Variants in GK5 observed in about 807,000 individuals in gnomAD.
GK5 encodes the protein glycerol kinase 5.
In GK5, 39 loss-of-function variants were observed where a neutral mutation model predicts 77.3. That is an observed-to-expected ratio of 0.50 (90% confidence interval 0.39 to 0.66). The LOEUF (loss-of-function observed/expected upper bound fraction) is 0.66. GK5 is among the 30% of genes least tolerant of loss of function. The pLI, the probability that GK5 is intolerant of heterozygous loss-of-function variation, is 0.00. For missense variants in GK5, 487 were observed against 633.8 expected, an observed-to-expected ratio of 0.77 and a Z score of 2.49; for synonymous variants, 211 against 208.0, an observed-to-expected ratio of 1.01 and a Z score of -0.13.
At chr3:142,212,456 A>G (rs1378584211) in intron 3 of GK5, among the ~76,000 whole-genome samples, 1 of 152,116 alleles carries the variant, frequency 6.6e-6, no homozygotes, top group Non-Finnish European at 1.5e-5. Context: ...GGATTACCTG[A>G]GCCTGGGAAG....
At chr3:142,189,112 A>G (rs896569051) in intron 5 of GK5, among the ~76,000 whole-genome samples, 9 of 152,096 alleles carry the variant, frequency 5.9e-5, no homozygotes, top group African/African-American at 2.2e-4. Context: ...TCACACCATT[A>G]CTGCCTCTCT....
At chr3:142,225,178 G>T in intron 1 of GK5, 131 bp downstream of exon 1, 1 of 1,015,960 alleles carries the variant, frequency 9.8e-7, no homozygotes, top group Non-Finnish European at 1.3e-6. Context: ...TCTGGCCCCA[G>T]GGCCCGCGGG....
Position 142,165,486 on chromosome 3 carries a change from G to T in GK5, c.*136C>A. ...TTTGTTCCGTTTTGTTTTTTTAAAAGCAATGCTTCTTAAGTTATGAAGCTT... is the reference window on the plus strand; with the variant it reads ...TTTGTTCCGTTTTGTTTTTTTAAAATCAATGCTTCTTAAGTTATGAAGCTT... On this transcript the variant is annotated 3_prime_UTR_variant, in exon 16 of 16. Coordinates refer to ENST00000392993, the MANE Select transcript of GK5 (RefSeq NM_001039547.3). The T allele has an allele frequency of 1.7e-6, 1 of 605,812 alleles. No individual in the cohort carries two copies. The allele number at this position is 605,812 out of a possible 1,614,324, so 37.5% of individuals were successfully genotyped here.
intron 13 of GK5, among the ~76,000 whole-genome samples, chr3:142,171,949 C>G (rs900310071): frequency 5.3e-5 from 8 of 152,036 alleles, no homozygotes; most frequent in Non-Finnish European, 1.5e-5. Flanking sequence ...TGTCTCATAA[C>G]AAAAAGATTA....
At chr3:142,195,805 C>T (rs1378394624) in intron 5 of GK5, among the ~76,000 whole-genome samples, 2 of 152,180 alleles carry the variant, frequency 1.3e-5, no homozygotes, top group Non-Finnish European at 2.9e-5. Flanking sequence ...TAATCCACTC[C>T]AATAATGGAA....
intron 1 of GK5, among the ~76,000 whole-genome samples, chr3:142,222,487 G>A (rs2064365039): frequency 6.6e-6 from 1 of 151,992 alleles, no homozygotes; most frequent in African/African-American, 2.4e-5. Context: ...ATAGCATGAA[G>A]CCGGGAGGCG....
chr3:142,170,196 A>G (rs772634746), intron 15 of GK5, 129 bp downstream of exon 15: 81 of 914,132 alleles, frequency 8.9e-5, no homozygotes, highest in Non-Finnish European at 1.3e-4. Flanking sequence ...TAATATGCAT[A>G]TGTGTATGGA....
Position 142,225,528 on chromosome 3 carries a change from C to T in GK5, c.-73G>A, listed in dbSNP as rs909724059. The T allele has an allele frequency of 2.6e-6, 4 of 1,521,548 alleles. No individual in the cohort carries two copies. In the South Asian group the frequency reaches 3.6e-5, roughly 14 times the overall value. 94.3% of individuals were successfully genotyped at this position (1,521,548 alleles called of 1,614,324 possible). On this transcript the variant is annotated 5_prime_UTR_variant, in exon 1 of 16. Transcript: ENST00000392993. The stretch of plus-strand genomic sequence containing the variant: ...GCTACAAATCCCAATGCTCCAGAGT[C>T]CCCGGGCGGCCCAACCCGGGCCCCA...
intron 1 of GK5, among the ~76,000 whole-genome samples, chr3:142,220,045 C>G (rs1381308691): frequency 2.0e-5 from 3 of 152,224 alleles, no homozygotes; most frequent in African/African-American, 4.8e-5. Context: ...ATGCATGTAT[C>G]TCCAATTCCT....
intron 9 of GK5, chr3:142,185,670 T>C (rs2063760183): frequency 3.1e-6 from 4 of 1,297,212 alleles, no homozygotes; most frequent in Non-Finnish European, 4.0e-6. Flanking sequence ...ATTTAAGTTT[T>C]CTGATAAACA....
At chr3:142,204,875 G>T (rs1228653443) in intron 3 of GK5, 87 bp from the exon 4 acceptor site, 15 of 708,244 alleles carry the variant, frequency 2.1e-5, no homozygotes, top group African/African-American at 3.6e-5. Context: ...AAAATTAGAG[G>T]CCATACTGTA....
chr3:142,207,821 G>A (rs1378714798), intron 3 of GK5, among the ~76,000 whole-genome samples: 2 of 152,134 alleles, frequency 1.3e-5, no homozygotes, highest in African/African-American at 4.8e-5. Flanking sequence ...TGTATTGCGG[G>A]CTGCTGGCCA....
At chr3:142,200,244 A>G (rs2063999962) in intron 4 of GK5, among the ~76,000 whole-genome samples, 1 of 152,088 alleles carries the variant, frequency 6.6e-6, no homozygotes, top group African/African-American at 2.4e-5. Context: ...TCTCAGCGCA[A>G]TGCAACCTCT....
rs541987159 is a variant in GK5 at position 142,220,427 on chromosome 3, G to A, written c.148-4735C>T. Among the ~76,000 whole-genome samples the A allele has an allele frequency of 9.8e-5, 15 of 152,324 alleles. 1 individual carries two copies. In the South Asian group the frequency reaches 2.3e-3, roughly 23 times the overall value. ...TAGGATTACAGGCGTCAGCCACCGC[G>A]TCTGGCAACAAATGTTTTTAATACG... is the stretch of plus-strand genomic sequence containing the variant. On this transcript the variant is annotated intron_variant, in intron 1 of 15. Coordinates refer to ENST00000392993, the MANE Select transcript of GK5 (RefSeq NM_001039547.3).
chr3:142,204,585 G>T (rs574336460), intron 4 of GK5, 110 bp downstream of exon 4: 2 of 761,804 alleles, frequency 2.6e-6, no homozygotes, highest in East Asian at 2.5e-5. Flanking sequence ...GAGTGTGTGC[G>T]TATGTCTTCT....
At position 142,161,378 on chromosome 3, in the gene GK5, G is replaced by C. The variant is rs1317948185; in HGVS notation, c.*4244C>G. ...TTGGCCTCCCAAAGTGCTGGGAAGA[G>C]TATAGTTCTTCTTAATCCAACAAAA... is the stretch of plus-strand genomic sequence containing the variant. On this transcript the variant is annotated 3_prime_UTR_variant, in exon 16 of 16. Coordinates refer to ENST00000392993, the MANE Select transcript of GK5 (RefSeq NM_001039547.3). 1 of 151,934 alleles carries C rather than the reference G, an allele frequency of 6.6e-6. No homozygotes were observed. Among genetic ancestry groups the C allele is most frequent in the Non-Finnish European group, 1.5e-5 (1 of 67,944 alleles). The allele number at this position is 151,934 out of a possible 1,614,324, so 9.4% of individuals were successfully genotyped here. A position where few individuals can be genotyped will look rare whatever the true frequency, so the allele number is the denominator to read the frequency against.
At position 142,177,658 on chromosome 3, in the gene GK5, T is replaced by C. The variant is rs1361797992; in HGVS notation, c.1049-82A>G. On this transcript the variant is annotated intron_variant, in intron 11 of 15. Transcript: ENST00000392993. ...GCACAAACAGAATTATGTTACATGA[T>C]AGTATTTACCTGCATCAACATTTAT... 2.8e-5 allele frequency: 22 copies of C among 793,420 alleles called. No homozygotes were observed. In the East Asian group the frequency reaches 5.4e-4, roughly 19 times the overall value. The allele number at this position is 793,420 out of a possible 1,614,324, so 49.1% of individuals were successfully genotyped here.
At chr3:142,190,378 G>A (rs543466555) in intron 5 of GK5, among the ~76,000 whole-genome samples, 2 of 152,218 alleles carry the variant, frequency 1.3e-5, no homozygotes, top group Non-Finnish European at 2.9e-5. Flanking sequence ...AAAAAGTTGA[G>A]CAAACTGAAA....
chr3:142,174,396 A>G (rs1253200204), intron 12 of GK5, among the ~76,000 whole-genome samples: 1 of 152,214 alleles, frequency 6.6e-6, no homozygotes, highest in African/African-American at 2.4e-5. Flanking sequence ...GGTTTATATC[A>G]GATGGTATAG....
Sources: gnomAD v4.1 joint callset for allele counts (sites outside exome capture counted in the v4.1 genomes callset) on GRCh38, gnomAD v4.1.1 for gene constraint, MANE v1.5 for transcripts, NCBI Gene and HGNC (gene_info 2026-07-23, HGNC 2026-07-21) for gene names.